RELN: variants seen among roughly 807,000 people sequenced by gnomAD.
RELN encodes reelin.
Under a neutral mutation model 427.6 loss-of-function variants are expected in RELN, and 108 were observed. The observed-to-expected ratio is 0.25, with a 90% CI of 0.22 to 0.30. The LOEUF (loss-of-function observed/expected upper bound fraction) is 0.30, where lower values mean the gene tolerates loss of function less well. RELN is among the 10% of genes least tolerant of loss of function. The pLI is 1.00. For missense variants in RELN, 3,715 were observed against 4,302.8 expected, an observed-to-expected ratio of 0.86 and a Z score of 3.82; for synonymous variants, 1,524 against 1,513.4, an observed-to-expected ratio of 1.01 and a Z score of -0.16.
intron 1 of RELN, among the ~76,000 whole-genome samples, chr7:103,924,751 T>A (rs1795688864): frequency 1.3e-5 from 2 of 152,128 alleles, no homozygotes; most frequent in Non-Finnish European, 2.9e-5. Context: ...GGAAATCCAC[T>A]GAAATTTTTT....
At chr7:103,540,104 T>C in intron 44 of RELN, 93 bp downstream of exon 44, 1 of 1,421,016 alleles carries the variant, frequency 7.0e-7, no homozygotes, top group Non-Finnish European at 9.9e-7. Flanking sequence ...CTGGGTTTCA[T>C]CTACTGAGCA....
chr7:103,707,388 GAA>G (rs1271609658), intron 8 of RELN, among the ~76,000 whole-genome samples: 10 of 152,164 alleles, frequency 6.6e-5, no homozygotes, highest in Non-Finnish European at 1.2e-4. Flanking sequence ...TCAATTATGT[GAA>G]AAGTGTTAAC....
At position 103,889,764 on chromosome 7, in the gene RELN, C is replaced by T. The variant is rs574959470; in HGVS notation, c.337+27311G>A. Among the ~76,000 whole-genome samples, 64 of 152,274 alleles carry T rather than the reference C, an allele frequency of 4.2e-4. 1 individual carries two copies. Among genetic ancestry groups the T allele is most frequent in the African/African-American group, 1.5e-3 (61 of 41,550 alleles). ...AGTTTTCTACAGTTATCTACAAAGA[C>T]TCAAACACTCCCTTGTTAGAGGAAA... On this transcript the variant is annotated intron_variant, in intron 2 of 64. Coordinates refer to ENST00000428762, the MANE Select transcript of RELN (RefSeq NM_005045.4).
intron 20 of RELN, among the ~76,000 whole-genome samples, chr7:103,616,712 T>A (rs1276674049): frequency 6.6e-6 from 1 of 152,206 alleles, no homozygotes; most frequent in African/African-American, 2.4e-5. Flanking sequence ...TATGCTTTAC[T>A]CCTTTTTACA....
At chr7:103,671,770 A>C (rs1233197446) in intron 11 of RELN, among the ~76,000 whole-genome samples, 1 of 152,158 alleles carries the variant, frequency 6.6e-6, no homozygotes, top group African/African-American at 2.4e-5. Flanking sequence ...ATCTACCTGT[A>C]GGTCTTTAGC....
chr7:103,572,133 G>A, intron 31 of RELN, 51 bp downstream of exon 31: 7 of 1,035,362 alleles, frequency 6.8e-6, no homozygotes, highest in Non-Finnish European at 1.1e-5. Context: ...GAGGATAAAG[G>A]ACTAATCTGC....
At position 103,503,018 on chromosome 7, in the gene RELN, T is replaced by G. The variant is rs1288421474; in HGVS notation, c.8487A>C (p.Gly2829=). The change falls in exon 52 of 65, where the codon GGA becomes GGC. Residue 2829 remains glycine, a splice_region_variant and synonymous_variant. Coordinates refer to ENST00000428762, the MANE Select transcript of RELN (RefSeq NM_005045.4). ...CTTTGTTTTAGTTTTCTACTTACTT[T>G]CCCACTAAGCTTTCAGGAAGTGGGT... ...ITYPLPESLV[G]NPVRFRFYQK... is the part of the protein sequence containing the mutation. 2 of 1,612,752 alleles carry G rather than the reference T, an allele frequency of 1.2e-6. No individual in the cohort carries two copies. The highest frequency in any genetic ancestry group is 4.5e-5 in the East Asian group (2 of 44,874).
chr7:103,736,492 C>A (rs1319332536), intron 6 of RELN, among the ~76,000 whole-genome samples: 1 of 152,122 alleles, frequency 6.6e-6, no homozygotes, highest in South Asian at 2.1e-4. Context: ...TGACAAACTC[C>A]ATTTATAGCT....
intron 50 of RELN, 27 bp from the exon 51 acceptor site, chr7:103,511,032 G>A (rs1829393573): frequency 2.5e-6 from 4 of 1,592,628 alleles, no homozygotes; most frequent in Non-Finnish European, 2.6e-6. Flanking sequence ...AAAATTTTAT[G>A]ACAAATTTGT....
intron 46 of RELN, among the ~76,000 whole-genome samples, chr7:103,527,124 C>T (rs963285054): frequency 6.6e-6 from 1 of 152,164 alleles, no homozygotes; most frequent in African/African-American, 2.4e-5. Flanking sequence ...ACACTACCTC[C>T]GCACCTTTTA....
chr7:103,752,602 TGG>T (rs1446157728), intron 5 of RELN, among the ~76,000 whole-genome samples: 1 of 151,686 alleles, frequency 6.6e-6, no homozygotes, highest in Non-Finnish European at 1.5e-5. Context: ...TTGGTAGAGA[TGG>T]GGGTCTTGCT....
At position 103,750,075 on chromosome 7, in the gene RELN, G is replaced by A. The variant is rs916027934; in HGVS notation, c.578-571C>T. Among the ~76,000 whole-genome samples the A allele has an allele frequency of 3.8e-4, 58 of 152,188 alleles. 2 individuals carry two copies. Among genetic ancestry groups the A allele is most frequent in the Admixed American group, 2.0e-4 (3 of 15,284 alleles). ...GCTCACTGCAACCTTAGTCTCCTGG[G>A]TTCAAGCAATTCTCCTCTTTCAGCC... On this transcript the variant is annotated intron_variant, in intron 5 of 64. Transcript: ENST00000428762.
intron 11 of RELN, among the ~76,000 whole-genome samples, chr7:103,673,939 T>C (rs1266497712): frequency 6.6e-6 from 1 of 151,932 alleles, no homozygotes; most frequent in African/African-American, 2.4e-5. Context: ...CCCCTCCTCC[T>C]CTTCTTCCTC....
intron 2 of RELN, among the ~76,000 whole-genome samples, chr7:103,871,142 G>A (rs1794323529): frequency 6.6e-6 from 1 of 152,030 alleles, no homozygotes; most frequent in Admixed American, 6.6e-5. Flanking sequence ...GTACCAGTTG[G>A]CTAAAAAGGA....
chr7:103,496,429 C>T lies in RELN; in HGVS notation c.9193+97G>A, dbSNP rs922903120. On this transcript the variant is annotated intron_variant, in intron 56 of 64. Coordinates refer to ENST00000428762, the MANE Select transcript of RELN (RefSeq NM_005045.4). The stretch of plus-strand genomic sequence containing the variant: ...TTGTTGAGCAGGAGTATGGGCTAGG[C>T]ACTCTTATAAATGCTTTTCATGTGC... The T allele has an allele frequency of 3.2e-5, 47 of 1,491,674 alleles. No homozygotes were observed. The African/African-American group carries it at 4.4e-4, about 14-fold the overall frequency. 92.4% of individuals were successfully genotyped at this position (1,491,674 alleles called of 1,614,324 possible).
At chr7:103,571,939 A>G (rs1019198422) in intron 31 of RELN, among the ~76,000 whole-genome samples, 5 of 152,204 alleles carry the variant, frequency 3.3e-5, no homozygotes, top group African/African-American at 1.2e-4. Flanking sequence ...GGTTCCCTAA[A>G]ACAAATGGCA....
At chr7:103,781,989 G>C (rs575162674) in intron 3 of RELN, among the ~76,000 whole-genome samples, 10 of 152,182 alleles carry the variant, frequency 6.6e-5, no homozygotes, top group Admixed American at 1.3e-4. Flanking sequence ...ATTTTGGAAA[G>C]TAGACCAAGT....
At position 103,586,042 on chromosome 7, in the gene RELN, T is replaced by A. The variant is rs190912446; in HGVS notation, c.4145+3554A>T. ...TTGATACGATATAAACCCTCAACAA[T>A]CTGGGCATCAAAGCAACACACCTCA... is the stretch of plus-strand genomic sequence containing the variant. On this transcript the variant is annotated intron_variant, in intron 28 of 64. Coordinates refer to ENST00000428762, the MANE Select transcript of RELN (RefSeq NM_005045.4). Among the ~76,000 whole-genome samples the A allele has an allele frequency of 1.1e-4, 16 of 152,000 alleles. No individual in the cohort carries two copies. In the East Asian group the frequency reaches 2.9e-3, roughly 28 times the overall value.
Position 103,498,003 on chromosome 7 carries a change from C to T in RELN, c.8843+74G>A, listed in dbSNP as rs1400455961. On this transcript the variant is annotated intron_variant, in intron 54 of 64. Transcript: ENST00000428762. ...CTACTCAAGTCCTGGATAATTTCTT[C>T]CATACAAGTGTTCCTTGCTTTGGGA... The T allele has an allele frequency of 4.4e-6, 7 of 1,598,382 alleles. No individual in the cohort carries two copies. The African/African-American group carries it at 8.0e-5, about 18-fold the overall frequency.
Sources: allele counts gnomAD v4.1 joint callset (sites outside exome capture counted in the v4.1 genomes callset), GRCh38; gene constraint gnomAD v4.1.1; transcripts MANE v1.5; gene names NCBI Gene and HGNC (gene_info 2026-07-23, HGNC 2026-07-21).